The following RBMS1 variants were observed in gnomAD, a reference collection of about 807,000 sequenced individuals.
The protein encoded by RBMS1 is RNA binding motif single stranded interacting protein 1.
A neutral mutation model predicts 62.3 loss-of-function variants in RBMS1; 17 were observed. The observed-to-expected ratio is 0.27, with a 90% CI of 0.19 to 0.41. RBMS1 has a LOEUF of 0.41. RBMS1 is among the 10% of genes least tolerant of loss of function. The probability of loss-of-function intolerance (pLI) is 1.00; values close to 1 mark genes in which losing one functional copy is unlikely to be tolerated. For synonymous variants in RBMS1, 172 were observed against 170.0 expected (o/e 1.01, Z -0.09); for missense variants, 334 against 504.5 (o/e 0.66, Z 3.24).
chr2:160,345,194 C>G (rs1272489739), intron 2 of RBMS1, among the ~76,000 whole-genome samples: 1 of 151,992 alleles, frequency 6.6e-6, no homozygotes, highest in African/African-American at 2.4e-5. Context: ...CACTCGAGTC[C>G]TAGAGACTAG....
intron 1 of RBMS1, among the ~76,000 whole-genome samples, chr2:160,476,758 T>G (rs1005637152): frequency 2.6e-5 from 4 of 151,644 alleles, no homozygotes; most frequent in East Asian, 3.9e-4. Flanking sequence ...GTTTCACCGT[T>G]TTAGCCGGGA....
At chr2:160,278,851 A>G (rs1263672554) in intron 10 of RBMS1, 193 bp from the exon 11 acceptor site, 1 of 532,048 alleles carries the variant, frequency 1.9e-6, no homozygotes, top group African/African-American at 2.0e-5. Flanking sequence ...AGAGTTTTTT[A>G]AGAGCGTTAG....
chr2:160,491,577 G>T (rs750508919), intron 1 of RBMS1, among the ~76,000 whole-genome samples: 1 of 152,090 alleles, frequency 6.6e-6, no homozygotes, highest in African/African-American at 2.4e-5. Flanking sequence ...ACTTACTAAT[G>T]GTATATAAAA....
At chr2:160,449,811 A>G (rs538539937) in intron 1 of RBMS1, among the ~76,000 whole-genome samples, 1 of 144,230 alleles carries the variant, frequency 6.9e-6, no homozygotes, top group African/African-American at 2.6e-5. Context: ...GAAACACCCA[A>G]GAACGATCAA....
At chr2:160,487,485 G>A (rs919245520) in intron 1 of RBMS1, among the ~76,000 whole-genome samples, 1 of 152,208 alleles carries the variant, frequency 6.6e-6, no homozygotes, top group Non-Finnish European at 1.5e-5. Flanking sequence ...AATGTCAAGT[G>A]CAAAGAATGA....
intron 2 of RBMS1, among the ~76,000 whole-genome samples, chr2:160,362,030 TC>T (rs1395383367): frequency 6.6e-6 from 1 of 152,220 alleles, no homozygotes; most frequent in Non-Finnish European, 1.5e-5. Flanking sequence ...AATGGACTCT[TC>T]CTTTCATGAA....
intron 1 of RBMS1, among the ~76,000 whole-genome samples, chr2:160,423,489 A>G (rs773897651): frequency 1.3e-5 from 2 of 152,128 alleles, no homozygotes; most frequent in Non-Finnish European, 1.5e-5. Context: ...TTCACTGCCC[A>G]TTCCAGATAC....
At chr2:160,477,558 A>G (rs564827390) in intron 1 of RBMS1, among the ~76,000 whole-genome samples, 2 of 149,570 alleles carry the variant, frequency 1.3e-5, no homozygotes, top group East Asian at 3.9e-4. Context: ...GTATGCCACC[A>G]TGCCTGGCTT....
rs145973972 is a variant in RBMS1, at chr2:160,440,669, C to T, written c.75+52620G>A. On this transcript the variant is annotated intron_variant, in intron 1 of 13. Coordinates refer to ENST00000348849, the MANE Select transcript of RBMS1 (RefSeq NM_016836.4). ...TATACAGTACTTTCCATTTCCATTTCCTTAGTAGGTTGTTGACTCGAGGTC... is the reference window on the plus strand; with the variant it reads ...TATACAGTACTTTCCATTTCCATTTTCTTAGTAGGTTGTTGACTCGAGGTC... 8.5e-4 allele frequency among the ~76,000 whole-genome samples: 130 copies of T among 152,280 alleles called. 2 individuals are homozygous for T. The East Asian group carries it at 0.024, about 28-fold the overall frequency.
chr2:160,281,384 G>C lies in RBMS1; in HGVS notation c.901-20C>G. 6.3e-7 allele frequency: 1 copy of C among 1,587,274 alleles called. No individual in the cohort carries two copies. Among genetic ancestry groups the C allele is most frequent in the South Asian group, 1.1e-5 (1 of 89,300 alleles). On this transcript the variant is annotated intron_variant, in intron 9 of 13. Coordinates refer to ENST00000348849, the MANE Select transcript of RBMS1 (RefSeq NM_016836.4). ...TTGCACCTAGAAAAGGGAGGATTTT[G>C]AAAGAAATATTGATTTTCATTGTAA...
chr2:160,484,223 C>A (rs1029775463), intron 1 of RBMS1, among the ~76,000 whole-genome samples: 6 of 151,694 alleles, frequency 4.0e-5, no homozygotes, highest in Admixed American at 3.3e-4. Context: ...TAGGCCGGCG[C>A]GGTGGCTCAT....
intron 12 of RBMS1, among the ~76,000 whole-genome samples, chr2:160,277,005 G>GT (rs1189771431): frequency 2.0e-5 from 3 of 152,138 alleles, no homozygotes; most frequent in African/African-American, 4.8e-5. Context: ...ATACTCCTGA[G>GT]TAGCTGGGAC....
chr2:160,394,836 G>T (rs1695055647), intron 1 of RBMS1, among the ~76,000 whole-genome samples: 1 of 152,190 alleles, frequency 6.6e-6, no homozygotes, highest in South Asian at 2.1e-4. Context: ...AGATTTTAAG[G>T]TAGGATGGTG....
chr2:160,338,323 C>T (rs1234833692), intron 2 of RBMS1, among the ~76,000 whole-genome samples: 1 of 152,062 alleles, frequency 6.6e-6, no homozygotes, highest in Non-Finnish European at 1.5e-5. Flanking sequence ...ATATGTAATA[C>T]ATGATTCTGG....
intron 2 of RBMS1, among the ~76,000 whole-genome samples, chr2:160,335,662 C>G (rs1000901023): frequency 6.6e-6 from 1 of 152,090 alleles, no homozygotes; most frequent in African/African-American, 2.4e-5. Flanking sequence ...TAACTGTATC[C>G]CATATAGTCA....
chr2:160,346,249 A>C (rs1213905678), intron 2 of RBMS1, among the ~76,000 whole-genome samples: 1 of 152,164 alleles, frequency 6.6e-6, no homozygotes, highest in Admixed American at 6.5e-5. Flanking sequence ...TGAATATGCC[A>C]GTCCAGAAGT....
At chr2:160,324,880 G>GTATATATATATATATA (rs747823378) in intron 2 of RBMS1, among the ~76,000 whole-genome samples, 7 of 76,092 alleles carry the variant, frequency 9.2e-5, no homozygotes, top group South Asian at 5.7e-4. Context: ...GTGTGTGTGT[G>GTATATATATATATATA]TGTATATATA....
At chr2:160,472,348 T>C (rs182788507) in intron 1 of RBMS1, among the ~76,000 whole-genome samples, 1 of 152,268 alleles carries the variant, frequency 6.6e-6, no homozygotes, top group Admixed American at 6.5e-5. Context: ...TATAAATCAA[T>C]CTCTTAAATA....
intron 5 of RBMS1, 80 bp from the exon 6 acceptor site, chr2:160,300,810 C>A: frequency 7.4e-7 from 1 of 1,350,574 alleles, no homozygotes; most frequent in Non-Finnish European, 9.7e-7. Context: ...CATAAACATT[C>A]TTATAGGTTT....
Sources: gnomAD v4.1 joint callset for allele counts (sites outside exome capture counted in the v4.1 genomes callset) on GRCh38, gnomAD v4.1.1 for gene constraint, MANE v1.5 for transcripts, NCBI Gene and HGNC (gene_info 2026-07-23, HGNC 2026-07-21) for gene names.